Variants in GLP2R observed in about 807,000 individuals in gnomAD.
GLP2R encodes the protein glucagon like peptide 2 receptor, also known as glucagon-like peptide 2 receptor.
GLP2R carries 59 observed loss-of-function variants against 68.2 expected under a neutral mutation model. The ratio of observed to expected loss-of-function variants is 0.87; its 90% CI spans 0.70 to 1.07. The LOEUF (loss-of-function observed/expected upper bound fraction) is 1.07. GLP2R is among the 50% of genes least tolerant of loss of function. The pLI, the probability that GLP2R is intolerant of heterozygous loss-of-function variation, is 0.00. For missense variants in GLP2R, 548 were observed against 677.4 expected (o/e 0.81, Z 2.12); for synonymous variants, 270 against 265.4 (o/e 1.02, Z -0.17).
chr17:9,889,356 G>A lies in GLP2R; in HGVS notation c.1327-14G>A, dbSNP rs2067269857. On this transcript the variant is annotated splice_polypyrimidine_tract_variant and intron_variant, in intron 12 of 12. Transcript: ENST00000262441. Reference sequence around the variant, plus strand: ...ACTCCAAGACAGTAACCTCTCACTTGTCTCACCCGGCAGGTGAAGGCTGAG... The same window carrying A: ...ACTCCAAGACAGTAACCTCTCACTTATCTCACCCGGCAGGTGAAGGCTGAG... 4 of 1,585,828 alleles carry A rather than the reference G, an allele frequency of 2.5e-6. No homozygotes were observed. The highest frequency in any genetic ancestry group is 3.5e-6 in the Non-Finnish European group (4 of 1,155,756).
intron 4 of GLP2R, among the ~76,000 whole-genome samples, chr17:9,854,083 A>G (rs2066914595): frequency 1.3e-5 from 2 of 152,272 alleles, no homozygotes; most frequent in Admixed American, 6.5e-5. Context: ...TACAAAGGAA[A>G]CATTCAGACA....
intron 1 of GLP2R, among the ~76,000 whole-genome samples, chr17:9,832,204 A>G (rs2066686404): frequency 6.6e-6 from 1 of 152,042 alleles, no homozygotes; most frequent in South Asian, 2.1e-4. Flanking sequence ...TTGAGAGGCC[A>G]AGGCAGGAGG....
chr17:9,852,199 G>A (rs2066898055), intron 4 of GLP2R, among the ~76,000 whole-genome samples: 1 of 152,000 alleles, frequency 6.6e-6, no homozygotes, highest in Non-Finnish European at 1.5e-5. Context: ...TTAGGTATTT[G>A]CTGTAATGCT....
intron 3 of GLP2R, among the ~76,000 whole-genome samples, chr17:9,840,100 C>G (rs61200599): frequency 0.022 from 3,285 of 152,042 alleles, 102 homozygotes; most frequent in African/African-American, 0.075. Flanking sequence ...CCTCAGCCTC[C>G]CAAGTAGCTG....
intron 2 of GLP2R, among the ~76,000 whole-genome samples, chr17:9,835,421 G>T (rs2066718770): frequency 6.6e-6 from 1 of 152,056 alleles, no homozygotes; most frequent in Non-Finnish European, 1.5e-5. Flanking sequence ...GAGTTTTAAG[G>T]TTGTTGCTTC....
rs147379145 is a variant in GLP2R at position 9,858,070 on chromosome 17, C to T, written c.765+494C>T. 3.7e-4 allele frequency among the ~76,000 whole-genome samples: 56 copies of T among 152,208 alleles called. No individual in the cohort carries two copies. The East Asian group carries it at 7.1e-3, about 19-fold the overall frequency. Reference sequence around the variant, plus strand: ...GCATTAAGTATTACAAGCAATCTAGCGATGATTTAAAGTATATGAAAGGAT... The same window carrying T: ...GCATTAAGTATTACAAGCAATCTAGTGATGATTTAAAGTATATGAAAGGAT... On this transcript the variant is annotated intron_variant, in intron 6 of 12. Coordinates refer to ENST00000262441, the MANE Select transcript of GLP2R (RefSeq NM_004246.3).
chr17:9,887,832 G>C, intron 11 of GLP2R, 100 bp from the exon 12 acceptor site: 1 of 831,006 alleles, frequency 1.2e-6, no homozygotes, highest in Non-Finnish European at 2.2e-6. Flanking sequence ...CTCTTCTGGA[G>C]ACTCCTTACG....
At chr17:9,855,422 C>T (rs190233881) in intron 5 of GLP2R, among the ~76,000 whole-genome samples, 55 of 152,264 alleles carry the variant, frequency 3.6e-4, no homozygotes, top group African/African-American at 1.2e-3. Context: ...GCTGTGCGCC[C>T]GGCCCTGGTG....
At chr17:9,876,172 C>T (rs942263478) in intron 10 of GLP2R, among the ~76,000 whole-genome samples, 6 of 152,160 alleles carry the variant, frequency 3.9e-5, no homozygotes, top group East Asian at 1.9e-4. Flanking sequence ...CCACTGCGCC[C>T]GGCCCGACAA....
At chr17:9,846,896 CA>C (rs2066843836) in intron 4 of GLP2R, among the ~76,000 whole-genome samples, 1 of 152,230 alleles carries the variant, frequency 6.6e-6, no homozygotes, top group Non-Finnish European at 1.5e-5. Flanking sequence ...TCTCAGGAGA[CA>C]TGGTTGCCTG....
intron 7 of GLP2R, among the ~76,000 whole-genome samples, chr17:9,860,559 A>C (rs12150476): frequency 0.15 from 23,430 of 152,028 alleles, 2,331 homozygotes; most frequent in Non-Finnish European, 0.23. Context: ...GTGAGAAAGC[A>C]AGCTCTCTCG....
chr17:9,841,510 A>G (rs2066786866), intron 3 of GLP2R, among the ~76,000 whole-genome samples: 1 of 152,138 alleles, frequency 6.6e-6, no homozygotes, highest in Non-Finnish European at 1.5e-5. Context: ...CAGATTAGCT[A>G]GAGGACCTGA....
chr17:9,889,925 C>G lies in GLP2R; in HGVS notation c.*220C>G, dbSNP rs756453135. On this transcript the variant is annotated 3_prime_UTR_variant, in exon 13 of 13. Transcript: ENST00000262441. ...GCCTGCTCTTCTCATCCTAATAACC[C>G]CCACCAGTGTGTTTTCCACAATGCC... 23 of 621,076 alleles carry G rather than the reference C, an allele frequency of 3.7e-5. No homozygotes were observed. Among genetic ancestry groups the G allele is most frequent in the Non-Finnish European group, 6.9e-5 (23 of 333,798 alleles). The allele number at this position is 621,076 out of a possible 1,614,324, so 38.5% of individuals were successfully genotyped here. A position where few individuals can be genotyped will look rare whatever the true frequency, so the allele number is the denominator to read the frequency against.
At chr17:9,874,029 C>T (rs2067122103) in intron 10 of GLP2R, among the ~76,000 whole-genome samples, 1 of 152,018 alleles carries the variant, frequency 6.6e-6, no homozygotes. Context: ...TGCATGGTAT[C>T]ATGAGCTAAT....
At chr17:9,836,823 G>GTTATTATTA (rs58592727) in intron 3 of GLP2R, among the ~76,000 whole-genome samples, 12 of 150,370 alleles carry the variant, frequency 8.0e-5, no homozygotes, top group African/African-American at 2.4e-4. Context: ...GGACGATCAA[G>GTTATTATTA]TTATTATTAT....
chr17:9,869,691 A>T (rs562309699), intron 9 of GLP2R, among the ~76,000 whole-genome samples: 14 of 152,286 alleles, frequency 9.2e-5, no homozygotes, highest in Admixed American at 7.8e-4. Context: ...GAGTGTCTTC[A>T]CAAAATGGTG....
chr17:9,832,955 G>A (rs1402133429), intron 1 of GLP2R, among the ~76,000 whole-genome samples: 1 of 151,900 alleles, frequency 6.6e-6, no homozygotes. Flanking sequence ...ACCCACTTCC[G>A]AATTGACTTC....
chr17:9,874,654 C>G (rs946148377), intron 10 of GLP2R, among the ~76,000 whole-genome samples: 4 of 152,088 alleles, frequency 2.6e-5, no homozygotes, highest in African/African-American at 7.2e-5. Flanking sequence ...CTGACTGACC[C>G]CAGCTGAGCT....
chr17:9,859,894 A>AGAT, intron 6 of GLP2R, 48 bp from the exon 7 acceptor site: 1 of 1,374,086 alleles, frequency 7.3e-7, no homozygotes, highest in Admixed American at 2.4e-5. Flanking sequence ...ACTCGGGATC[A>AGAT]GATGCAGGGG....
Sources: gnomAD v4.1 joint callset for allele counts (sites outside exome capture counted in the v4.1 genomes callset) on GRCh38, gnomAD v4.1.1 for gene constraint, MANE v1.5 for transcripts, NCBI Gene and HGNC (gene_info 2026-07-23, HGNC 2026-07-21) for gene names.